MTUS1: variants seen among roughly 807,000 people sequenced by gnomAD.
MTUS1 encodes microtubule associated scaffold protein 1, also known as microtubule-associated tumor suppressor 1.
A neutral mutation model predicts 120.8 loss-of-function variants in MTUS1; 109 were observed. The observed-to-expected ratio is 0.90, with a 90% CI of 0.77 to 1.06. The LOEUF is 1.06. MTUS1 is among the 50% of genes least tolerant of loss of function. MTUS1 has a pLI of 0.00. For synonymous variants in MTUS1, 737 were observed against 550.5 expected, an observed-to-expected ratio of 1.34 and a Z score of -4.74; for missense variants, 2,210 against 1,486.3, an observed-to-expected ratio of 1.49 and a Z score of -8.01.
At chr8:17,730,201 G>A (rs1225246140) in intron 3 of MTUS1, among the ~76,000 whole-genome samples, 1 of 152,186 alleles carries the variant, frequency 6.6e-6, no homozygotes, top group South Asian at 2.1e-4. Flanking sequence ...AAGCAGGCCG[G>A]GGGTGGTGGC....
At chr8:17,798,882 G>A (rs1279593577) in intron 1 of MTUS1, among the ~76,000 whole-genome samples, 5 of 152,090 alleles carry the variant, frequency 3.3e-5, no homozygotes, top group Non-Finnish European at 5.9e-5. Context: ...TAATATCCCA[G>A]GAGAAAAATC....
At chr8:17,797,148 A>C (rs962860194) in intron 1 of MTUS1, among the ~76,000 whole-genome samples, 3 of 152,100 alleles carry the variant, frequency 2.0e-5, no homozygotes, top group Non-Finnish European at 4.4e-5. Flanking sequence ...GCGGTGGCTC[A>C]TGCCTCTAAT....
At chr8:17,784,782 A>C (rs981569924) in intron 1 of MTUS1, among the ~76,000 whole-genome samples, 1 of 115,036 alleles carries the variant, frequency 8.7e-6, no homozygotes, top group African/African-American at 2.8e-5. Context: ...TTTTATAACA[A>C]GAAGAACTTT....
intron 8 of MTUS1, among the ~76,000 whole-genome samples, chr8:17,659,571 G>A (rs1036760567): frequency 5.9e-5 from 9 of 152,046 alleles, no homozygotes; most frequent in African/African-American, 1.7e-4. Flanking sequence ...GTGTGTGCCT[G>A]TAGTCCCAGC....
At chr8:17,740,499 G>A (rs1039940178) in intron 3 of MTUS1, among the ~76,000 whole-genome samples, 18 of 152,150 alleles carry the variant, frequency 1.2e-4, no homozygotes, top group African/African-American at 3.6e-4. Flanking sequence ...ACAGGATCAC[G>A]GGGATCTAAA....
intron 8 of MTUS1, among the ~76,000 whole-genome samples, chr8:17,669,742 C>G (rs4531091): frequency 0.79 from 119,980 of 152,050 alleles, 47,542 homozygotes; most frequent in East Asian, 0.96. Flanking sequence ...CTACTCGGGA[C>G]GCTGAGGCAG....
chr8:17,745,035 G>A (rs190723805), intron 2 of MTUS1, among the ~76,000 whole-genome samples: 5 of 152,178 alleles, frequency 3.3e-5, no homozygotes, highest in African/African-American at 1.2e-4. Flanking sequence ...AGGACCTCTT[G>A]AGGATGTGTC....
At chr8:17,677,893 T>C (rs1215827577) in intron 7 of MTUS1, among the ~76,000 whole-genome samples, 2 of 152,186 alleles carry the variant, frequency 1.3e-5, no homozygotes, top group Non-Finnish European at 2.9e-5. Flanking sequence ...ACTAATTAAC[T>C]AAGCATTTTT....
At chr8:17,678,748 CAAAA>C (rs35213322) in intron 7 of MTUS1, among the ~76,000 whole-genome samples, 2 of 133,060 alleles carry the variant, frequency 1.5e-5, no homozygotes, top group African/African-American at 2.9e-5. Context: ...ATTCCACTTG[CAAAA>C]AAAAAAAAAA....
At position 17,654,852 on chromosome 8, in the gene MTUS1, G is replaced by T. The variant is rs763723213; in HGVS notation, c.3109-186C>A. On this transcript the variant is annotated intron_variant, in intron 9 of 14. Transcript: ENST00000693296. ...ACTTGTAACCTCAGCACTCTGGGAGGCAGAGGTGGAGGATCACTTGGAGCC... is the reference window on the plus strand; with the variant it reads ...ACTTGTAACCTCAGCACTCTGGGAGTCAGAGGTGGAGGATCACTTGGAGCC... 16 of 584,096 alleles carry T rather than the reference G, an allele frequency of 2.7e-5. No individual in the cohort carries two copies. In the East Asian group the frequency reaches 4.4e-4, roughly 16 times the overall value. 36.2% of individuals were successfully genotyped at this position (584,096 alleles called of 1,614,324 possible). A position where few individuals can be genotyped will look rare whatever the true frequency, so the allele number is the denominator to read the frequency against.
At chr8:17,654,030 C>T (rs1045101010) in intron 10 of MTUS1, 2 of 159,702 alleles carry the variant, frequency 1.3e-5, no homozygotes, top group Admixed American at 1.2e-4. Flanking sequence ...ACAGCCGGTT[C>T]TTAGCACTCA....
At chr8:17,731,438 C>A (rs536379833) in intron 3 of MTUS1, among the ~76,000 whole-genome samples, 1 of 152,246 alleles carries the variant, frequency 6.6e-6, no homozygotes, top group East Asian at 1.9e-4. Flanking sequence ...AGAACAGCAT[C>A]TGGCACAAAG....
chr8:17,673,165 A>G (rs1812373699), intron 8 of MTUS1, among the ~76,000 whole-genome samples: 1 of 152,214 alleles, frequency 6.6e-6, no homozygotes. Context: ...TTGGTCATTT[A>G]GGTAATCATA....
chr8:17,647,146 A>T, intron 13 of MTUS1, 67 bp from the exon 14 acceptor site: 1 of 1,189,928 alleles, frequency 8.4e-7, no homozygotes. Context: ...TTCTTAAGGC[A>T]CCTCACGACA....
chr8:17,732,189 A>G (rs1268831362), intron 3 of MTUS1, among the ~76,000 whole-genome samples: 2 of 152,194 alleles, frequency 1.3e-5, no homozygotes, highest in African/African-American at 4.8e-5. Context: ...ATGTGAGATG[A>G]GTGGAGAGGC....
chr8:17,730,803 T>C (rs2046521833), intron 3 of MTUS1, among the ~76,000 whole-genome samples: 1 of 152,130 alleles, frequency 6.6e-6, no homozygotes, highest in South Asian at 2.1e-4. Context: ...GAGTGGTGAG[T>C]GCCAGGGGCT....
chr8:17,659,875 A>G (rs1429441655), intron 8 of MTUS1, among the ~76,000 whole-genome samples: 2 of 151,818 alleles, frequency 1.3e-5, no homozygotes, highest in Non-Finnish European at 2.9e-5. Context: ...AACAGTAACA[A>G]CCCATCCCCT....
At position 17,753,861 on chromosome 8, in the gene MTUS1, T is replaced by G; in HGVS notation, c.1947A>C (p.Glu649Asp). 6.2e-7 allele frequency: 1 copy of G among 1,614,198 alleles called. No homozygotes were observed. Among genetic ancestry groups the G allele is most frequent in the Non-Finnish European group, 8.5e-7 (1 of 1,180,014 alleles). The change falls in exon 2 of 15, where the codon GAA becomes GAC. Residue 649 changes from glutamate to aspartate, a missense_variant. Physicochemically the swap from Glu to Asp is conservative, Grantham distance 45 (BLOSUM62 2). Transcript: ENST00000693296. ...TGGGAACATAGGTCATTTCCAAACA[T>G]TCTGCACTTTCCATTTTAACAGGGA... ...GILPVKMESA[E>D]CLEMTYVPNI...
Position 17,654,679 on chromosome 8 carries a change from A to T in MTUS1, c.3109-13T>A. On this transcript the variant is annotated splice_polypyrimidine_tract_variant and intron_variant, in intron 9 of 14. Transcript: ENST00000693296. ...TTAAGTTGTCAAACTGTAAGCAACA[A>T]ACAAAACCGTGGTTTAACAGTAAAA... 1 of 1,599,008 alleles carries T rather than the reference A, an allele frequency of 6.3e-7. No individual in the cohort carries two copies. Among genetic ancestry groups the T allele is most frequent in the Admixed American group, 1.7e-5 (1 of 59,990 alleles).
Sources: allele counts gnomAD v4.1 joint callset (sites outside exome capture counted in the v4.1 genomes callset), GRCh38; gene constraint gnomAD v4.1.1; transcripts MANE v1.5; gene names NCBI Gene and HGNC (gene_info 2026-07-23, HGNC 2026-07-21).